TPRG1: variants seen among roughly 807,000 people sequenced by gnomAD.
TPRG1 encodes tumor protein p63-regulated gene 1 protein.
Under a neutral mutation model 29.3 loss-of-function variants are expected in TPRG1, and 29 were observed. The ratio of observed to expected loss-of-function variants is 0.99; its 90% CI spans 0.74 to 1.35. TPRG1 has a LOEUF of 1.35. Among genes scored for constraint, TPRG1 ranks in the 40% most tolerant of loss-of-function variants. The probability of loss-of-function intolerance (pLI) is 0.00; values close to 1 mark genes in which losing one functional copy is unlikely to be tolerated. For synonymous variants in TPRG1, 130 were observed against 116.8 expected (o/e 1.11, Z -0.73); for missense variants, 327 against 335.0 (o/e 0.98, Z 0.19).
At chr3:189,298,414 G>A (rs979247096) in intron 4 of TPRG1, among the ~76,000 whole-genome samples, 13 of 152,208 alleles carry the variant, frequency 8.5e-5, no homozygotes, top group African/African-American at 2.9e-4. Flanking sequence ...TGCTGAGTAT[G>A]TCTCCTGTCT....
At chr3:189,125,537 G>T (rs963241520) in intron 1 of TPRG1, among the ~76,000 whole-genome samples, 2 of 152,038 alleles carry the variant, frequency 1.3e-5, no homozygotes, top group African/African-American at 4.8e-5. Flanking sequence ...GGTCCAAAAA[G>T]GTAGGAGATT....
At position 189,215,278 on chromosome 3, in the gene TPRG1, T is replaced by C; in HGVS notation, c.211-14T>C. ...AGTCTGCTCTAAACTAGGTATTTTC[T>C]CCTTTCCACACAGCCGGGGGCCATT... On this transcript the variant is annotated splice_polypyrimidine_tract_variant and intron_variant, in intron 2 of 5. Transcript: ENST00000345063. 2 of 1,604,586 alleles carry C rather than the reference T, an allele frequency of 1.2e-6. No individual in the cohort carries two copies. The highest frequency in any genetic ancestry group is 1.7e-6 in the Non-Finnish European group (2 of 1,176,750).
chr3:189,230,581 C>T (rs1738481613), intron 3 of TPRG1, among the ~76,000 whole-genome samples: 1 of 152,158 alleles, frequency 6.6e-6, no homozygotes, highest in Non-Finnish European at 1.5e-5. Flanking sequence ...TTTGCAACAG[C>T]ATTTCGCTTT....
At chr3:189,284,346 C>A (rs1321027786) in intron 4 of TPRG1, among the ~76,000 whole-genome samples, 31 of 100,318 alleles carry the variant, frequency 3.1e-4, no homozygotes, top group African/African-American at 1.2e-3. Flanking sequence ...TGCTATCCCT[C>A]CCCCCCCCTC....
At chr3:189,300,379 A>G (rs1461657857) in intron 4 of TPRG1, among the ~76,000 whole-genome samples, 1 of 152,278 alleles carries the variant, frequency 6.6e-6, no homozygotes, top group Non-Finnish European at 1.5e-5. Flanking sequence ...CTTAAGACAG[A>G]TGACACATCT....
chr3:189,233,758 A>T (rs1382907424), intron 3 of TPRG1, among the ~76,000 whole-genome samples: 1 of 152,208 alleles, frequency 6.6e-6, no homozygotes, highest in African/African-American at 2.4e-5. Context: ...CTAGAGAGGC[A>T]TCCATTTAAT....
intron 4 of TPRG1, among the ~76,000 whole-genome samples, chr3:189,254,935 G>T (rs556628537): frequency 6.6e-6 from 1 of 152,140 alleles, no homozygotes; most frequent in South Asian, 2.1e-4. Context: ...GAGAAGATGG[G>T]GTTTTCTAAA....
intron 2 of TPRG1, among the ~76,000 whole-genome samples, chr3:189,214,290 T>C (rs1364227766): frequency 1.3e-5 from 2 of 152,248 alleles, no homozygotes; most frequent in African/African-American, 2.4e-5. Context: ...TACTCAGTTA[T>C]ATTTGTTGAG....
intron 4 of TPRG1, among the ~76,000 whole-genome samples, chr3:189,255,264 G>A (rs1579060229): frequency 6.6e-6 from 1 of 152,178 alleles, no homozygotes; most frequent in African/African-American, 2.4e-5. Flanking sequence ...GGCCTTTTCT[G>A]CATTTATTGA....
chr3:189,203,882 A>C (rs1165717459), intron 1 of TPRG1, among the ~76,000 whole-genome samples: 2 of 152,064 alleles, frequency 1.3e-5, no homozygotes, highest in Non-Finnish European at 2.9e-5. Context: ...TCTACCAAAA[A>C]TACAAAAAAT....
chr3:189,310,344 A>C, intron 4 of TPRG1, 42 bp from the exon 5 acceptor site: 1 of 1,424,644 alleles, frequency 7.0e-7, no homozygotes, highest in South Asian at 1.5e-5. Context: ...TTTTTTTTGG[A>C]AATGGAAATG....
At chr3:189,129,890 C>T (rs2108528860) in intron 2 of TPRG1, among the ~76,000 whole-genome samples, 1 of 152,244 alleles carries the variant, frequency 6.6e-6, no homozygotes, top group East Asian at 1.9e-4. Context: ...TACTTCTATA[C>T]AGGGCCTTGT....
chr3:188,998,607 G>A (rs1711899943), intron 1 of TPRG1, among the ~76,000 whole-genome samples: 2 of 152,172 alleles, frequency 1.3e-5, no homozygotes, highest in African/African-American at 2.4e-5. Flanking sequence ...GATAAAAAGT[G>A]TGGTACACAT....
At chr3:189,201,095 G>A (rs191493770) in intron 1 of TPRG1, among the ~76,000 whole-genome samples, 725 of 152,296 alleles carry the variant, frequency 4.8e-3, no homozygotes, top group Middle Eastern at 6.8e-3. Flanking sequence ...ACCAGACACC[G>A]ATGTGCTGGT....
At chr3:189,101,728 C>A (rs1719227345) in intron 1 of TPRG1, among the ~76,000 whole-genome samples, 1 of 151,898 alleles carries the variant, frequency 6.6e-6, no homozygotes, top group Non-Finnish European at 1.5e-5. Context: ...GGGCTGTCTG[C>A]ACCAAACTTC....
At chr3:189,182,970 C>A (rs1016451264) in intron 1 of TPRG1, among the ~76,000 whole-genome samples, 1 of 152,116 alleles carries the variant, frequency 6.6e-6, no homozygotes, top group Admixed American at 6.5e-5. Flanking sequence ...AAGATCTATT[C>A]TCTGAGCAAT....
intron 1 of TPRG1, among the ~76,000 whole-genome samples, chr3:189,122,462 T>C (rs573828719): frequency 2.6e-5 from 4 of 152,360 alleles, no homozygotes; most frequent in African/African-American, 9.6e-5. Flanking sequence ...AGAAAAGTTA[T>C]TGGTTTTAAT....
At chr3:189,190,572 T>G (rs926698980) in intron 1 of TPRG1, among the ~76,000 whole-genome samples, 5 of 152,222 alleles carry the variant, frequency 3.3e-5, no homozygotes, top group African/African-American at 1.2e-4. Context: ...TTATTTTATT[T>G]TATTGCCTCC....
At chr3:189,218,538 C>T (rs373874413) in intron 3 of TPRG1, among the ~76,000 whole-genome samples, 1 of 152,204 alleles carries the variant, frequency 6.6e-6, no homozygotes, top group Non-Finnish European at 1.5e-5. Context: ...GTCTAGCATG[C>T]CTGGCTTTGG....
Sources: allele counts gnomAD v4.1 joint callset (sites outside exome capture counted in the v4.1 genomes callset), GRCh38; gene constraint gnomAD v4.1.1; transcripts MANE v1.5; gene names NCBI Gene and HGNC (gene_info 2026-07-23, HGNC 2026-07-21).